Variants in CREBRF observed in about 807,000 individuals in gnomAD.
The protein encoded by CREBRF is CREB3 regulatory factor, also known as UPF0474 protein C5orf41.
A neutral mutation model predicts 66.1 loss-of-function variants in CREBRF; 5 were observed. The ratio of observed to expected loss-of-function variants is 0.08; its 90% CI spans 0.04 to 0.16. The LOEUF (loss-of-function observed/expected upper bound fraction) is 0.16. Ranked by LOEUF, CREBRF falls within the 10% of genes least tolerant of loss-of-function variation. The pLI, the probability that CREBRF is intolerant of heterozygous loss-of-function variation, is 1.00. For missense variants in CREBRF, 531 were observed against 744.9 expected (o/e 0.71, Z 3.34); for synonymous variants, 229 against 264.4 (o/e 0.87, Z 1.30).
rs1321512086 is a variant in CREBRF, at chr5:173,099,296, C to G, written c.1222+7895C>G. 2.0e-5 allele frequency among the ~76,000 whole-genome samples: 3 copies of G among 152,164 alleles called. No homozygotes were observed. In the East Asian group the frequency reaches 5.8e-4, roughly 29 times the overall value. On this transcript the variant is annotated intron_variant, in intron 4 of 8. Transcript: ENST00000296953. ...TCAGTCTCCTGAGTAGTTAGGACTA[C>G]AGGCATGCACCCCCATACCCAGCTA...
At position 173,091,300 on chromosome 5, in the gene CREBRF, G is replaced by C. The variant is rs1383444177; in HGVS notation, c.1121G>C (p.Gly374Ala). 6.2e-7 allele frequency: 1 copy of C among 1,613,252 alleles called. No individual in the cohort carries two copies. The highest frequency in any genetic ancestry group is 8.5e-7 in the Non-Finnish European group (1 of 1,179,612). The change falls in exon 4 of 9, where the codon GGC becomes GCC. Residue 374 changes from glycine (G) to alanine (A), a missense_variant. By Grantham distance (60) the Gly-to-Ala change is moderately conservative. This residue lies in a region of CREBRF where 309 missense variants were observed against 341.4 expected (regional missense o/e 0.90). Coordinates refer to ENST00000296953, the MANE Select transcript of CREBRF (RefSeq NM_153607.3). ...VDDEDHDEGF[G>A]SEHELSENEE... The stretch of plus-strand genomic sequence containing the variant: ...GATGAGGACCATGATGAAGGATTCG[G>C]CAGTGAGCATGAACTGTCTGAAAAT...
intron 2 of CREBRF, among the ~76,000 whole-genome samples, chr5:173,081,042 A>G (rs191350733): frequency 6.6e-6 from 1 of 152,194 alleles, no homozygotes; most frequent in African/African-American, 2.4e-5. Flanking sequence ...TGCTGGCTTT[A>G]TGGGGCAAAA....
chr5:173,059,684 C>T (rs1002714943), intron 1 of CREBRF, among the ~76,000 whole-genome samples: 2 of 152,162 alleles, frequency 1.3e-5, no homozygotes, highest in South Asian at 2.1e-4. Context: ...TTCATTGATA[C>T]TTAGAATATT....
At chr5:173,077,019 C>G (rs1757785600) in intron 1 of CREBRF, among the ~76,000 whole-genome samples, 1 of 151,692 alleles carries the variant, frequency 6.6e-6, no homozygotes, top group African/African-American at 2.4e-5. Context: ...TCTCGGCTCA[C>G]TATAACCTCT....
intron 1 of CREBRF, among the ~76,000 whole-genome samples, chr5:173,064,524 C>G (rs1757374758): frequency 6.6e-6 from 1 of 150,522 alleles, no homozygotes; most frequent in Non-Finnish European, 1.5e-5. Flanking sequence ...TCCTGACTAT[C>G]TGGGACTACA....
intron 4 of CREBRF, among the ~76,000 whole-genome samples, chr5:173,094,160 T>G (rs1758419125): frequency 6.6e-6 from 1 of 152,200 alleles, no homozygotes; most frequent in Non-Finnish European, 1.5e-5. Flanking sequence ...CGTATAACTC[T>G]CACATTTTCT....
chr5:173,079,092 A>G (rs1187837221), intron 1 of CREBRF, among the ~76,000 whole-genome samples: 1 of 152,106 alleles, frequency 6.6e-6, no homozygotes, highest in Non-Finnish European at 1.5e-5. Context: ...GAGAGACTGC[A>G]CAAGAACAGG....
chr5:173,057,259 G>C (rs180893645), intron 1 of CREBRF: 2 of 152,962 alleles, frequency 1.3e-5, no homozygotes, highest in African/African-American at 4.8e-5. Flanking sequence ...GCCACTAATT[G>C]GTTAGGCTGT....
Position 173,123,130 on chromosome 5 carries a change from G to C in CREBRF, c.1732G>C (p.Val578Leu). 1.2e-6 allele frequency: 2 copies of C among 1,606,750 alleles called. No individual in the cohort carries two copies. The highest frequency in any genetic ancestry group is 1.7e-6 in the Non-Finnish European group (2 of 1,178,062). ...NSIKQEIVNR[V>L]QNPRDERGPN... ...CATCAAGCAAGAGATTGTAAACCGG[G>C]TACAGAATCCAAGAGATGAGAGAGG... Residue 578 changes from valine to leucine, a missense_variant, in exon 8 of 9, where the codon GTA becomes CTA. By Grantham distance (32) the Val-to-Leu change is conservative. Transcript: ENST00000296953.
At chr5:173,092,276 T>G (rs1758363625) in intron 4 of CREBRF, 1 of 981,014 alleles carries the variant, frequency 1.0e-6, no homozygotes, top group Non-Finnish European at 1.2e-6. Context: ...CATTTTAATT[T>G]ACATCGTATT....
rs370849916 is a variant in CREBRF at position 173,090,959 on chromosome 5, A to G, written c.780A>G (p.Ala260=). 8.1e-6 allele frequency: 13 copies of G among 1,614,214 alleles called. No individual in the cohort carries two copies. Among genetic ancestry groups the G allele is most frequent in the Non-Finnish European group, 1.1e-5 (13 of 1,180,034 alleles). The part of the protein sequence containing the change: ...PLLSQIHTDA[A]KENTCYCGAV... ...TGAGCCAGATTCACACAGATGCAGC[A>G]AAGGAGAACACCTGCTACTGTGGTG... The change falls in exon 4 of 9, where the codon GCA becomes GCG. Residue 260 remains alanine, a synonymous_variant. Transcript: ENST00000296953. The surrounding 1 kb of genome is among the most constrained non-coding windows in gnomAD (Gnocchi z 4.5).
At chr5:173,067,699 T>C (rs553419368) in intron 1 of CREBRF, among the ~76,000 whole-genome samples, 1 of 152,306 alleles carries the variant, frequency 6.6e-6, no homozygotes, top group South Asian at 2.1e-4. Flanking sequence ...ACCTTGGCTT[T>C]AAATCTTCAG....
chr5:173,082,016 T>TTG (rs1554123744), intron 2 of CREBRF, among the ~76,000 whole-genome samples: 1 of 129,382 alleles, frequency 7.7e-6, no homozygotes, highest in African/African-American at 2.9e-5. Flanking sequence ...TTTTTTTTTT[T>TTG]TTTTTTTTTT....
At position 173,079,641 on chromosome 5, in the gene CREBRF, T is replaced by G. The variant is rs552347482; in HGVS notation, c.-191-944T>G. Among the ~76,000 whole-genome samples, 3 of 152,218 alleles carry G rather than the reference T, an allele frequency of 2.0e-5. No homozygotes were observed. In the South Asian group the frequency reaches 6.2e-4, roughly 32 times the overall value. ...GGATAGGACAGTGGTTCTCAAACTT[T>G]AGAGAGGACCACAATCACCTGGAGG... On this transcript the variant is annotated intron_variant, in intron 1 of 8. Coordinates refer to ENST00000296953, the MANE Select transcript of CREBRF (RefSeq NM_153607.3).
chr5:173,088,508 T>A (rs867874797), intron 3 of CREBRF, among the ~76,000 whole-genome samples: 121 of 124,044 alleles, frequency 9.8e-4, no homozygotes, highest in African/African-American at 2.4e-3. Context: ...AAAAAAAAAA[T>A]GAATGCATCA....
chr5:173,101,150 C>T (rs1275271564), intron 4 of CREBRF, among the ~76,000 whole-genome samples: 1 of 152,114 alleles, frequency 6.6e-6, no homozygotes, highest in Non-Finnish European at 1.5e-5. Flanking sequence ...CACCCTCAAT[C>T]TCCTGGGCTC....
intron 1 of CREBRF, among the ~76,000 whole-genome samples, chr5:173,073,197 A>C (rs1436460772): frequency 2.0e-5 from 3 of 152,188 alleles, no homozygotes; most frequent in African/African-American, 7.2e-5. Flanking sequence ...TCTTTGTAAC[A>C]ATAGGTTTGC....
chr5:173,087,507 C>T (rs1231140202), intron 3 of CREBRF, among the ~76,000 whole-genome samples: 1 of 147,878 alleles, frequency 6.8e-6, no homozygotes, highest in Non-Finnish European at 1.5e-5. Flanking sequence ...ACCATCCTGG[C>T]CAACATGGTG....
At chr5:173,116,543 T>C (rs1171145849) in intron 7 of CREBRF, among the ~76,000 whole-genome samples, 1 of 152,234 alleles carries the variant, frequency 6.6e-6, no homozygotes, top group Admixed American at 6.5e-5. Flanking sequence ...TCCTCCATGT[T>C]GTTACCTGTA....
Sources: gnomAD v4.1 joint callset for allele counts (sites outside exome capture counted in the v4.1 genomes callset) on GRCh38, gnomAD v4.1.1 for gene constraint, gnomAD v4.1.1 regional missense constraint, Gnocchi (gnomAD v3.1) non-coding constraint, MANE v1.5 for transcripts, NCBI Gene and HGNC (gene_info 2026-07-23, HGNC 2026-07-21) for gene names.